Variants in SORCS1 observed in about 807,000 individuals in gnomAD.
SORCS1 encodes the protein VPS10 domain-containing receptor SorCS1.
Under a neutral mutation model 146.1 loss-of-function variants are expected in SORCS1, and 60 were observed. That is an observed-to-expected ratio of 0.41 (90% CI 0.33 to 0.51). The LOEUF (loss-of-function observed/expected upper bound fraction) is 0.51, where lower values mean the gene tolerates loss of function less well. SORCS1 is among the 20% of genes least tolerant of loss of function. The pLI, the probability that SORCS1 is intolerant of heterozygous loss-of-function variation, is 0.21. For synonymous variants in SORCS1, 637 were observed against 584.0 expected (o/e 1.09, Z -1.31); for missense variants, 1,352 against 1,487.6 (o/e 0.91, Z 1.50).
At chr10:106,900,480 C>T (rs1028416314) in intron 2 of SORCS1, among the ~76,000 whole-genome samples, 1 of 152,162 alleles carries the variant, frequency 6.6e-6, no homozygotes, top group Non-Finnish European at 1.5e-5. Flanking sequence ...TGAATTAACA[C>T]TCACTGTAGC....
intron 2 of SORCS1, among the ~76,000 whole-genome samples, chr10:106,859,094 C>G (rs1465059664): frequency 6.6e-6 from 1 of 152,248 alleles, no homozygotes; most frequent in Admixed American, 6.5e-5. Flanking sequence ...GCTAAGCAGA[C>G]AAGCTGGTAC....
At chr10:106,980,179 A>T (rs1380624387) in intron 1 of SORCS1, among the ~76,000 whole-genome samples, 1 of 152,264 alleles carries the variant, frequency 6.6e-6, no homozygotes, top group Non-Finnish European at 1.5e-5. Context: ...AAACAAAAAA[A>T]GCAAATCAGA....
At chr10:107,101,490 T>C (rs1302840722) in intron 1 of SORCS1, among the ~76,000 whole-genome samples, 1 of 152,212 alleles carries the variant, frequency 6.6e-6, no homozygotes, top group Non-Finnish European at 1.5e-5. Context: ...ATGTATGATG[T>C]CATGTAACTA....
In SORCS1 at chr10:106,972,890, T is replaced by C. The variant is rs117081232; in HGVS notation, c.559-16310A>G. ...TTTTTTGTTGCTCTCTTACAGAAGA[T>C]GAAAACTGGCTGGGGCTTGGGTAGT... On this transcript the variant is annotated intron_variant, in intron 1 of 25. Transcript: ENST00000263054. 6.6e-5 allele frequency among the ~76,000 whole-genome samples: 10 copies of C among 152,314 alleles called. No homozygotes were observed. In the East Asian group the frequency reaches 1.9e-3, roughly 29 times the overall value.
At chr10:106,902,014 AGTTT>A (rs1195066449) in intron 2 of SORCS1, among the ~76,000 whole-genome samples, 5 of 152,014 alleles carry the variant, frequency 3.3e-5, no homozygotes, top group Admixed American at 6.6e-5. Context: ...ACTGCACTCT[AGTTT>A]GGGTGACAGA....
intron 2 of SORCS1, among the ~76,000 whole-genome samples, chr10:106,877,743 C>T (rs1950645059): frequency 6.6e-6 from 1 of 152,122 alleles, no homozygotes; most frequent in Admixed American, 6.6e-5. Flanking sequence ...AGGAATTACT[C>T]CTACAGATGA....
intron 18 of SORCS1, among the ~76,000 whole-genome samples, chr10:106,635,857 T>G (rs1475255545): frequency 6.6e-6 from 1 of 152,202 alleles, no homozygotes; most frequent in East Asian, 1.9e-4. Flanking sequence ...GGAAATCAGA[T>G]ATTTCAGCCA....
chr10:106,843,629 A>G (rs543221746), intron 2 of SORCS1, among the ~76,000 whole-genome samples: 11 of 151,708 alleles, frequency 7.3e-5, no homozygotes, highest in South Asian at 4.2e-4. Flanking sequence ...TAGAGACGGG[A>G]TTTCACCGTG....
At chr10:107,164,725 C>G (rs561694595), upstream of SORCS1, among the ~76,000 whole-genome samples, 137 of 149,610 alleles carry the variant, frequency 9.2e-4, no homozygotes, top group African/African-American at 3.0e-3. The surrounding 1 kb of genome is among the most constrained non-coding windows in gnomAD (Gnocchi z 6.8). Context: ...CGGGTCCGGA[C>G]GGAGCGAGCC....
the SORCS1 span, among the ~76,000 whole-genome samples, chr10:107,178,503 T>TATA: frequency 1.5e-5 from 2 of 131,196 alleles, no homozygotes; most frequent in African/African-American, 2.6e-5. Context: ...TATATATATA[T>TATA]TTTTTTTTAA....
At chr10:106,624,941 C>T (rs768473242) in intron 19 of SORCS1, among the ~76,000 whole-genome samples, 16 of 152,204 alleles carry the variant, frequency 1.1e-4, no homozygotes, top group Non-Finnish European at 2.4e-4. Context: ...GGTGAAACTC[C>T]AGACCCTGGA....
At chr10:106,592,079 T>A (rs1845635659) in intron 24 of SORCS1, among the ~76,000 whole-genome samples, 1 of 152,308 alleles carries the variant, frequency 6.6e-6, no homozygotes, top group Admixed American at 6.5e-5. Context: ...AGGGAGCCAC[T>A]CAGGCCATGA....
At chr10:106,934,353 G>A (rs981521099) in intron 2 of SORCS1, among the ~76,000 whole-genome samples, 15 of 152,046 alleles carry the variant, frequency 9.9e-5, no homozygotes, top group African/African-American at 3.6e-4. Context: ...GGTCTCCGGG[G>A]TTCACGTCAT....
chr10:106,927,189 A>G (rs10786994), intron 2 of SORCS1, among the ~76,000 whole-genome samples: 68,955 of 151,938 alleles, frequency 0.45, 17,224 homozygotes, highest in Non-Finnish European at 0.56. Context: ...GGACCCTCGC[A>G]GTGAGTGTTA....
At chr10:106,883,659 C>T (rs1009267775) in intron 2 of SORCS1, among the ~76,000 whole-genome samples, 4 of 152,192 alleles carry the variant, frequency 2.6e-5, no homozygotes, top group East Asian at 1.9e-4. Context: ...GTGATCCACC[C>T]GCCTCAGCCT....
chr10:106,587,131 T>C (rs1452771474), intron 24 of SORCS1, among the ~76,000 whole-genome samples: 1 of 152,214 alleles, frequency 6.6e-6, no homozygotes, highest in African/African-American at 2.4e-5. Flanking sequence ...TCTATGTATC[T>C]GTGCAACTAC....
At chr10:107,006,261 CTG>C (rs1957437477) in intron 1 of SORCS1, among the ~76,000 whole-genome samples, 1 of 152,146 alleles carries the variant, frequency 6.6e-6, no homozygotes, top group Non-Finnish European at 1.5e-5. Context: ...ATCCTTGTGT[CTG>C]TATCCCAGCT....
At chr10:107,019,000 G>A (rs2139823791) in intron 1 of SORCS1, among the ~76,000 whole-genome samples, 1 of 152,202 alleles carries the variant, frequency 6.6e-6, no homozygotes, top group African/African-American at 2.4e-5. Context: ...TACAATTTTA[G>A]GTAACTCACT....
At chr10:106,915,212 G>A (rs1952356692) in intron 2 of SORCS1, among the ~76,000 whole-genome samples, 1 of 151,978 alleles carries the variant, frequency 6.6e-6, no homozygotes, top group Non-Finnish European at 1.5e-5. Context: ...TCAGTGAATG[G>A]CACCACTATC....
Sources: gnomAD v4.1 joint callset for allele counts (sites outside exome capture counted in the v4.1 genomes callset) on GRCh38, gnomAD v4.1.1 for gene constraint, Gnocchi (gnomAD v3.1) non-coding constraint, MANE v1.5 for transcripts, NCBI Gene and HGNC (gene_info 2026-07-23, HGNC 2026-07-21) for gene names.